The following DCN variants were observed in gnomAD, a reference collection of about 807,000 sequenced individuals.
The protein encoded by DCN is bone proteoglycan II.
DCN carries 17 observed loss-of-function variants against 36.5 expected under a neutral mutation model. The ratio of observed to expected loss-of-function variants is 0.47; its 90% confidence interval spans 0.32 to 0.70. DCN has a LOEUF of 0.70. Ranked by LOEUF, DCN falls within the 30% of genes least tolerant of loss-of-function variation. DCN has a pLI of 0.04. For synonymous variants in DCN, 163 were observed against 161.4 expected (o/e 1.01, Z -0.07); for missense variants, 389 against 430.1 (o/e 0.90, Z 0.84).
chr12:91,160,778 C>G (rs902836607), intron 3 of DCN, among the ~76,000 whole-genome samples: 2 of 151,916 alleles, frequency 1.3e-5, no homozygotes, highest in Non-Finnish European at 2.9e-5. Flanking sequence ...AAAAATTTTC[C>G]TTACTCAACT....
At chr12:91,172,160 T>A (rs1394563274) in intron 2 of DCN, 1 of 150,848 alleles carries the variant, frequency 6.6e-6, no homozygotes, top group Admixed American at 6.6e-5. Context: ...TTTTTTTTTT[T>A]ATTTCCCTTC....
At position 91,178,377 on chromosome 12, in the gene DCN, T is replaced by C. The variant is rs1390825846; in HGVS notation, c.176A>G (p.Gln59Arg). ...ACACTGGACCACTCGAAGATGGCAT[T>C]GACAGCGGAAGGGGCACACTGGGCC... ...SLGPVCPFRCQCHLRVVQCSD... is the reference protein window; with the variant it reads ...SLGPVCPFRCRCHLRVVQCSD... The change falls in exon 2 of 8, where the codon CAA becomes CGA. Residue 59 changes from glutamine to arginine, a missense_variant. Coordinates refer to ENST00000052754, the MANE Select transcript of DCN (RefSeq NM_001920.5). 6.2e-7 allele frequency: 1 copy of C among 1,613,930 alleles called. No individual in the cohort carries two copies. The highest frequency in any genetic ancestry group is 1.7e-5 in the Admixed American group (1 of 59,986).
At position 91,146,792 on chromosome 12, in the gene DCN, T is replaced by C. The variant is rs1311678566; in HGVS notation, c.886-540A>G. Among the ~76,000 whole-genome samples, 4 of 152,348 alleles carry C rather than the reference T, an allele frequency of 2.6e-5. No individual in the cohort carries two copies. In the East Asian group the frequency reaches 7.7e-4, roughly 29 times the overall value. ...CCAATCATTTCAGATGCTCAGGCTA[T>C]ATACATTGTCATTATCCTTGAGCTC... On this transcript the variant is annotated intron_variant, in intron 7 of 7. Transcript: ENST00000052754.
chr12:91,173,556 G>T (rs146792139), intron 2 of DCN, among the ~76,000 whole-genome samples: 2 of 152,182 alleles, frequency 1.3e-5, no homozygotes, highest in East Asian at 1.9e-4. Flanking sequence ...GTCAATTTAG[G>T]CAATCCAGTG....
chr12:91,171,835 C>T (rs1209102004), intron 2 of DCN, among the ~76,000 whole-genome samples: 1 of 152,212 alleles, frequency 6.6e-6, no homozygotes, highest in Non-Finnish European at 1.5e-5. Context: ...ATTTTCCATA[C>T]CTCAAGTTGT....
At chr12:91,166,033 G>A (rs1323619964) in intron 2 of DCN, among the ~76,000 whole-genome samples, 1 of 152,108 alleles carries the variant, frequency 6.6e-6, no homozygotes, top group Non-Finnish European at 1.5e-5. Flanking sequence ...CACCATGGTA[G>A]CCATACTTTG....
At chr12:91,155,456 A>T (rs1193967744) in intron 5 of DCN, among the ~76,000 whole-genome samples, 1 of 152,168 alleles carries the variant, frequency 6.6e-6, no homozygotes, top group Non-Finnish European at 1.5e-5. Flanking sequence ...GGATAGATAG[A>T]AGACATAGCA....
chr12:91,157,005 A>G (rs953537044), intron 5 of DCN, 70 bp downstream of exon 5: 103 of 1,126,280 alleles, frequency 9.1e-5, no homozygotes, highest in Middle Eastern at 4.1e-4. Context: ...AGTTTCCACA[A>G]GATTTTTTTT....
In DCN at chr12:91,166,361, G is replaced by A. The variant is rs186768406; in HGVS notation, c.212-1644C>T. ...CAGAACAGCTACCTTGTAGGAGGTT[G>A]CTTAATGACACTGTACAGTTGTAAT... On this transcript the variant is annotated intron_variant, in intron 2 of 7. Transcript: ENST00000052754. Among the ~76,000 whole-genome samples, 143 of 152,260 alleles carry A rather than the reference G, an allele frequency of 9.4e-4. 1 individual carries two copies. The highest frequency in any genetic ancestry group is 1.9e-3 in the Non-Finnish European group (128 of 67,996).
At chr12:91,168,273 A>C (rs1172065808) in intron 2 of DCN, among the ~76,000 whole-genome samples, 1 of 152,038 alleles carries the variant, frequency 6.6e-6, no homozygotes, top group Non-Finnish European at 1.5e-5. Flanking sequence ...CCACTTATTC[A>C]TTTATTTCTA....
rs1592686987 is a variant in DCN at position 91,157,333 on chromosome 12, G to T, written c.539-145C>A. ...AAACAAAAGTGAAGTTAAAGAGCAT[G>T]CTCCTCAGGAGAATAGCAAAATAGG... On this transcript the variant is annotated intron_variant, in intron 4 of 7. Transcript: ENST00000052754. 1.3e-5 allele frequency: 9 copies of T among 677,652 alleles called. No homozygotes were observed. The East Asian group carries it at 2.5e-4, about 18-fold the overall frequency. 42.0% of individuals were successfully genotyped at this position (677,652 alleles called of 1,614,324 possible).
chr12:91,180,187 C>G (rs1592712561), intron 1 of DCN: 1 of 151,766 alleles, frequency 6.6e-6, no homozygotes, highest in East Asian at 1.9e-4. Context: ...TCATCTCTAC[C>G]TTGAATTGTA....
intron 7 of DCN, among the ~76,000 whole-genome samples, chr12:91,147,125 AG>A (rs1318843023): frequency 6.6e-6 from 1 of 152,104 alleles, no homozygotes; most frequent in Non-Finnish European, 1.5e-5. Context: ...AAGTTCTCAA[AG>A]GGGCCTACAA....
chr12:91,164,768 A>G (rs373059556), intron 2 of DCN, 51 bp from the exon 3 acceptor site: 22 of 849,230 alleles, frequency 2.6e-5, no homozygotes, highest in African/African-American at 6.6e-5. Context: ...ACATGTGGCT[A>G]CAGAATCACA....
chr12:91,177,707 A>G, intron 2 of DCN: 2 of 697,374 alleles, frequency 2.9e-6, no homozygotes, highest in Non-Finnish European at 5.2e-6. Context: ...TATTTACACC[A>G]TACCTTAGTG....
At chr12:91,149,871 T>C (rs1239426802) in intron 7 of DCN, among the ~76,000 whole-genome samples, 1 of 152,056 alleles carries the variant, frequency 6.6e-6, no homozygotes, top group Non-Finnish European at 1.5e-5. Flanking sequence ...GTAAAAGAAT[T>C]GCAAGGCATG....
Position 91,146,243 on chromosome 12 carries a change from G to A in DCN, c.895C>T (p.Leu299Phe), listed in dbSNP as rs568933237. ...AEHKYIQVVYLHNNNISVVGS... is the reference protein window; with the variant it reads ...AEHKYIQVVYFHNNNISVVGS... Reference sequence around the variant, plus strand: ...ACTACAGAGATATTGTTGTTATGAAGGTAGACAACCTACAACATGAAACGA... The same window carrying A: ...ACTACAGAGATATTGTTGTTATGAAAGTAGACAACCTACAACATGAAACGA... Residue 299 changes from leucine (L) to phenylalanine (F), a missense_variant, in exon 8 of 8, where the codon CTT becomes TTT. Physicochemically the swap from Leu to Phe is conservative, Grantham distance 22 (BLOSUM62 0). Transcript: ENST00000052754. 50 of 1,599,808 alleles carry A rather than the reference G, an allele frequency of 3.1e-5. No individual in the cohort carries two copies. The highest frequency in any genetic ancestry group is 4.3e-5 in the Non-Finnish European group (50 of 1,168,054).
chr12:91,179,825 T>C (rs1445603124), intron 1 of DCN: 1 of 152,212 alleles, frequency 6.6e-6, no homozygotes, highest in Admixed American at 6.5e-5. Flanking sequence ...TCAAACATTA[T>C]GTTTAATAAG....
At chr12:91,152,533 T>C (rs927903553) in intron 6 of DCN, among the ~76,000 whole-genome samples, 3 of 151,920 alleles carry the variant, frequency 2.0e-5, no homozygotes, top group Admixed American at 2.0e-4. Context: ...TCACTTATTT[T>C]AAAAAAAATC....
Sources: gnomAD v4.1 joint callset for allele counts (sites outside exome capture counted in the v4.1 genomes callset) on GRCh38, gnomAD v4.1.1 for gene constraint, MANE v1.5 for transcripts, NCBI Gene and HGNC (gene_info 2026-07-23, HGNC 2026-07-21) for gene names.